Variants in SUGCT observed in about 807,000 individuals in gnomAD.
SUGCT encodes succinyl-CoA:glutarate-CoA transferase, also known as succinyl-CoA:glutarate CoA-transferase.
SUGCT carries 41 observed loss-of-function variants against 55.0 expected under a neutral mutation model. That is an observed-to-expected ratio of 0.74 (90% CI 0.58 to 0.97). The LOEUF (loss-of-function observed/expected upper bound fraction) is 0.97, where lower values mean the gene tolerates loss of function less well. Among genes scored for constraint, SUGCT ranks in the 50% least tolerant of loss-of-function variants. The pLI is 0.00. For synonymous variants in SUGCT, 187 were observed against 200.4 expected, an observed-to-expected ratio of 0.93 and a Z score of 0.56; for missense variants, 568 against 547.8, an observed-to-expected ratio of 1.04 and a Z score of -0.37.
chr7:40,265,489 C>T (rs1210647597), intron 7 of SUGCT, among the ~76,000 whole-genome samples: 1 of 152,104 alleles, frequency 6.6e-6, no homozygotes, highest in Non-Finnish European at 1.5e-5. Flanking sequence ...TTCCTTCCCT[C>T]ATTTCTTTCT....
At chr7:40,977,196 C>T in the SUGCT span, among the ~76,000 whole-genome samples, 2 of 152,244 alleles carry the variant, frequency 1.3e-5, no homozygotes, top group Admixed American at 1.3e-4. Context: ...GCCATTTGGC[C>T]GATCCTCTGG....
At chr7:40,818,642 T>C (rs1021869761) in intron 13 of SUGCT, among the ~76,000 whole-genome samples, 3 of 152,136 alleles carry the variant, frequency 2.0e-5, no homozygotes, top group African/African-American at 7.2e-5. Context: ...TCTTAATGGA[T>C]TGAAGAGTAA....
At chr7:40,339,031 G>T (rs1050968083) in intron 9 of SUGCT, among the ~76,000 whole-genome samples, 1 of 152,208 alleles carries the variant, frequency 6.6e-6, no homozygotes, top group Non-Finnish European at 1.5e-5. Flanking sequence ...CTGCTTGCCT[G>T]GGTATCAGCA....
chr7:40,943,899 G>A, the SUGCT span, among the ~76,000 whole-genome samples: 1 of 150,538 alleles, frequency 6.6e-6, no homozygotes, highest in South Asian at 2.1e-4. Flanking sequence ...CCCACCAACA[G>A]TGTAAAAGTG....
chr7:40,336,042 G>T (rs929638992), intron 9 of SUGCT, among the ~76,000 whole-genome samples: 6 of 152,114 alleles, frequency 3.9e-5, no homozygotes, highest in Admixed American at 6.6e-5. Context: ...TTATATGCTG[G>T]ATTACGTTTA....
At chr7:40,780,914 G>A (rs1789713232) in intron 13 of SUGCT, among the ~76,000 whole-genome samples, 1 of 151,938 alleles carries the variant, frequency 6.6e-6, no homozygotes, top group Admixed American at 6.6e-5. Flanking sequence ...TTATAAATCT[G>A]CAAAATGGAA....
At chr7:40,627,328 A>G (rs1799569159) in intron 12 of SUGCT, among the ~76,000 whole-genome samples, 3 of 152,190 alleles carry the variant, frequency 2.0e-5, no homozygotes, top group African/African-American at 7.2e-5. Context: ...GGGTCCAAAT[A>G]CCTGCTAGAG....
In SUGCT at chr7:40,450,670, CG is replaced by C. The variant is rs1789140432; in HGVS notation, c.888+1314del. On this transcript the variant is annotated intron_variant, in intron 10 of 13. Coordinates refer to ENST00000335693, the MANE Select transcript of SUGCT (RefSeq NM_001193313.2). ...CCATGCGCCTGTAGTCCCAGCTACT[CG>C]GCTGAGGCAGGAGAATTGCTTGAAC... 6.6e-5 allele frequency among the ~76,000 whole-genome samples: 10 copies of C among 151,684 alleles called. No homozygotes were observed. In the South Asian group the frequency reaches 2.1e-3, roughly 32 times the overall value.
intron 9 of SUGCT, among the ~76,000 whole-genome samples, chr7:40,448,688 G>T (rs988596922): frequency 3.9e-5 from 6 of 152,004 alleles, no homozygotes; most frequent in African/African-American, 1.4e-4. Flanking sequence ...TCTACAAAAA[G>T]TACAAAATTA....
chr7:40,915,524 A>G, the SUGCT span, among the ~76,000 whole-genome samples: 6 of 152,338 alleles, frequency 3.9e-5, no homozygotes, highest in African/African-American at 1.2e-4. Flanking sequence ...AAAACAGGCT[A>G]ATAATGGGGA....
rs577523973 is a variant in SUGCT, at chr7:40,809,144, C to G, written c.1154-51172C>G. Among the ~76,000 whole-genome samples, 11 of 152,254 alleles carry G rather than the reference C, an allele frequency of 7.2e-5. No individual in the cohort carries two copies. The South Asian group carries it at 2.3e-3, about 32-fold the overall frequency. On this transcript the variant is annotated intron_variant, in intron 13 of 13. Transcript: ENST00000335693. ...AGTTCTGTTACTTGCAAAGATGACT[C>G]AAATGCAGCAGAGCCTCAGTTTTCT...
At chr7:40,898,220 C>T in the SUGCT span, among the ~76,000 whole-genome samples, 1 of 152,114 alleles carries the variant, frequency 6.6e-6, no homozygotes, top group Non-Finnish European at 1.5e-5. Flanking sequence ...CTATAACACT[C>T]ACTGCAAAGG....
At position 40,695,200 on chromosome 7, in the gene SUGCT, T is replaced by TTTAC. The variant is rs1784871135; in HGVS notation, c.1090-54231_1090-54230insCTTA. On this transcript the variant is annotated intron_variant, in intron 12 of 13. Coordinates refer to ENST00000335693, the MANE Select transcript of SUGCT (RefSeq NM_001193313.2). ...ATTTATTTATTTATTTATTTATTTA[T>TTTAC]TTATTTATTTATTTATTTTGAGACA... Among the ~76,000 whole-genome samples the TTTAC allele has an allele frequency of 2.0e-5, 3 of 149,724 alleles. No homozygotes were observed. The South Asian group carries it at 6.3e-4, about 31-fold the overall frequency.
chr7:40,984,871 A>G, the SUGCT span, among the ~76,000 whole-genome samples: 9 of 152,194 alleles, frequency 5.9e-5, no homozygotes, highest in African/African-American at 2.2e-4. Context: ...CTGTTAGGAA[A>G]CGAAATGCAG....
chr7:40,772,647 T>G (rs996808248), intron 13 of SUGCT, among the ~76,000 whole-genome samples: 14 of 138,498 alleles, frequency 1.0e-4, no homozygotes, highest in African/African-American at 3.1e-4. Flanking sequence ...CATTTACTTT[T>G]GAGACAGGGT....
chr7:40,482,578 G>A (rs1043164168), intron 11 of SUGCT, among the ~76,000 whole-genome samples: 7 of 152,180 alleles, frequency 4.6e-5, no homozygotes, highest in Non-Finnish European at 7.4e-5. Context: ...TTATTTTTTA[G>A]TATAAGCAGC....
intron 12 of SUGCT, among the ~76,000 whole-genome samples, chr7:40,548,278 T>C (rs1001080042): frequency 1.4e-5 from 2 of 144,820 alleles, no homozygotes; most frequent in African/African-American, 5.1e-5. Flanking sequence ...AGCTTCGAAC[T>C]CATGGGCTCA....
intron 12 of SUGCT, among the ~76,000 whole-genome samples, chr7:40,675,104 G>C (rs1247060369): frequency 6.9e-6 from 1 of 145,316 alleles, no homozygotes; most frequent in Non-Finnish European, 1.5e-5. Context: ...TCTGTTGCCT[G>C]GGCTGGAGTG....
chr7:40,558,768 T>A (rs1795686910), intron 12 of SUGCT, among the ~76,000 whole-genome samples: 2 of 152,220 alleles, frequency 1.3e-5, no homozygotes, highest in Non-Finnish European at 2.9e-5. Context: ...TGGCAGATTT[T>A]ATGTTATGTA....
Sources: gnomAD v4.1 joint callset for allele counts (sites outside exome capture counted in the v4.1 genomes callset) on GRCh38, gnomAD v4.1.1 for gene constraint, MANE v1.5 for transcripts, NCBI Gene and HGNC (gene_info 2026-07-23, HGNC 2026-07-21) for gene names.